The following XDH variants were observed in gnomAD, a reference collection of about 807,000 sequenced individuals.
XDH encodes the protein xanthine dehydrogenase, also known as xanthine dehydrogenase/oxidase.
Under a neutral mutation model 156.1 loss-of-function variants are expected in XDH, and 138 were observed. The observed-to-expected ratio is 0.88, with a 90% CI of 0.77 to 1.02. The LOEUF (loss-of-function observed/expected upper bound fraction) is 1.02, where lower values mean the gene tolerates loss of function less well. XDH is among the 50% of genes least tolerant of loss of function. The pLI, the probability that XDH is intolerant of heterozygous loss-of-function variation, is 0.00. For synonymous variants in XDH, 669 were observed against 625.7 expected, an observed-to-expected ratio of 1.07 and a Z score of -1.03; for missense variants, 1,849 against 1,684.9, an observed-to-expected ratio of 1.10 and a Z score of -1.71.
In XDH at chr2:31,384,040, T is replaced by C. The variant is rs45470100; in HGVS notation, c.794-193A>G. 5.0e-3 allele frequency: 3,062 copies of C among 614,496 alleles called. 73 individuals carry two copies. Among genetic ancestry groups the C allele is most frequent in the African/African-American group, 0.049 (2,680 of 54,392 alleles). 38.1% of individuals were successfully genotyped at this position (614,496 alleles called of 1,614,324 possible). On this transcript the variant is annotated intron_variant, in intron 9 of 35. Coordinates refer to ENST00000379416, the MANE Select transcript of XDH (RefSeq NM_000379.4). ...GTGGGATTAGATGCAGTCTTTGGAC[T>C]GTCAGCCCAAAACTAGGTCTTTCTT...
chr2:31,368,660 C>T lies in XDH; in HGVS notation c.1981G>A (p.Val661Ile), dbSNP rs763061923. The T allele has an allele frequency of 6.2e-7, 1 of 1,614,160 alleles. No homozygotes were observed. The highest frequency in any genetic ancestry group is 8.5e-7 in the Non-Finnish European group (1 of 1,180,026). The change falls in exon 19 of 36, where the codon GTT becomes ATT. Residue 661 changes from valine to isoleucine, a missense_variant and splice_region_variant. Transcript: ENST00000379416. ...NDETVFAKDKVTCVGHIIGAV... is the reference protein window; with the variant it reads ...NDETVFAKDKITCVGHIIGAV... ...CCAATGATATGCCCAACACAAGTAA[C>T]CTAGTAGCAGAGACAGACTGTTAAA...
At position 31,364,213 on chromosome 2, in the gene XDH, G is replaced by A; in HGVS notation, c.2576C>T (p.Ala859Val). ...VGFMKTGTVV[A>V]LEVDHFSNVG... ...ATTGCTGAAGTGGTCCACCTCAAGA[G>A]CCACAACTGTCCCAGTCTTCATGAA... Residue 859 changes from alanine to valine, a missense_variant, in exon 24 of 36, where the codon GCT becomes GTT. By Grantham distance (64) the Ala-to-Val change is moderately conservative (BLOSUM62 0). Coordinates refer to ENST00000379416, the MANE Select transcript of XDH (RefSeq NM_000379.4). 6.2e-7 allele frequency: 1 copy of A among 1,614,154 alleles called. No individual in the cohort carries two copies. Among genetic ancestry groups the A allele is most frequent in the South Asian group, 1.1e-5 (1 of 91,080 alleles).
At chr2:31,348,189 T>C (rs1685353459) in intron 28 of XDH, 79 bp downstream of exon 28, 1 of 1,453,146 alleles carries the variant, frequency 6.9e-7, no homozygotes, top group African/African-American at 1.4e-5. Flanking sequence ...CTGCTTCTGC[T>C]CTGATAGGTC....
At chr2:31,347,119 G>A (rs1685319255) in intron 29 of XDH, among the ~76,000 whole-genome samples, 1 of 152,180 alleles carries the variant, frequency 6.6e-6, no homozygotes, top group South Asian at 2.1e-4. Context: ...CCCCAGAGAG[G>A]TGTCTTCTTC....
rs1684954889 is a variant in XDH, at chr2:31,335,722, C to T, written c.*236G>A. Reference sequence around the variant, plus strand: ...TGATTAAAACAGACAGAAAATGATCCTAATTGCATATTCACCATTTAGGCA... The same window carrying T: ...TGATTAAAACAGACAGAAAATGATCTTAATTGCATATTCACCATTTAGGCA... On this transcript the variant is annotated 3_prime_UTR_variant, in exon 36 of 36. Coordinates refer to ENST00000379416, the MANE Select transcript of XDH (RefSeq NM_000379.4). The T allele has an allele frequency of 3.3e-6, 2 of 609,860 alleles. No individual in the cohort carries two copies. Among genetic ancestry groups the T allele is most frequent in the Non-Finnish European group, 5.9e-6 (2 of 341,736 alleles). The allele number at this position is 609,860 out of a possible 1,614,324, so 37.8% of individuals were successfully genotyped here.
intron 7 of XDH, 69 bp from the exon 8 acceptor site, chr2:31,387,966 A>G (rs1686657129): frequency 6.7e-7 from 1 of 1,499,676 alleles, no homozygotes; most frequent in Non-Finnish European, 9.0e-7. Flanking sequence ...GGACCAATTC[A>G]GCCTTTCCTT....
intron 32 of XDH, 114 bp downstream of exon 32, chr2:31,342,069 T>C (rs1685137724): frequency 8.4e-6 from 8 of 954,176 alleles, no homozygotes; most frequent in Admixed American, 1.9e-5. Flanking sequence ...CTATCCTTAA[T>C]GGAAGGCATT....
intron 13 of XDH, among the ~76,000 whole-genome samples, chr2:31,378,113 AGGAAGGAAGGAAGG>A (rs1329672716): frequency 3.2e-5 from 1 of 31,094 alleles, no homozygotes; most frequent in African/African-American, 1.3e-4. Flanking sequence ...AAAGAAAGGA[AGGAAGGAAGGAAGG>A]AAGGAAGGAA....
chr2:31,375,648 A>G, intron 14 of XDH, 94 bp from the exon 15 acceptor site: 3 of 1,460,986 alleles, frequency 2.1e-6, no homozygotes. Context: ...AGCTGTACAA[A>G]GCTTGGTTCA....
Position 31,338,852 on chromosome 2 carries a change from T to C in XDH, c.3774+637A>G, listed in dbSNP as rs536364776. Among the ~76,000 whole-genome samples, 7 of 150,312 alleles carry C rather than the reference T, an allele frequency of 4.7e-5. No individual in the cohort carries two copies. In the Admixed American group the frequency reaches 4.7e-4, roughly 10 times the overall value. On this transcript the variant is annotated intron_variant, in intron 34 of 35. Transcript: ENST00000379416. ...GATTCTCGTGCCTAAGCCTCCTGAG[T>C]AGCTGGGATTACAGGCATGTCCCAC... is the stretch of plus-strand genomic sequence containing the variant.
At chr2:31,395,001 G>A (rs1686865018) in intron 6 of XDH, among the ~76,000 whole-genome samples, 2 of 151,638 alleles carry the variant, frequency 1.3e-5, no homozygotes, top group Non-Finnish European at 2.9e-5. Flanking sequence ...TTCCTCATTT[G>A]TTAATTCCAA....
At chr2:31,379,800 C>A in intron 13 of XDH, 67 bp downstream of exon 13, 1 of 1,493,630 alleles carries the variant, frequency 6.7e-7, no homozygotes, top group Admixed American at 1.7e-5. Flanking sequence ...AGATTCTGAT[C>A]TCTTTGTCTA....
chr2:31,376,433 ATAG>A (rs1386548873), intron 14 of XDH, among the ~76,000 whole-genome samples: 9 of 149,100 alleles, frequency 6.0e-5, no homozygotes, highest in African/African-American at 9.8e-5. Flanking sequence ...AGCAATAGTA[ATAG>A]TAGTAGTAGT....
At chr2:31,370,565 G>C in intron 17 of XDH, 87 bp from the exon 18 acceptor site, 1 of 1,557,762 alleles carries the variant, frequency 6.4e-7, no homozygotes, top group South Asian at 1.1e-5. Flanking sequence ...TTCTTATTTT[G>C]ATTGGCTTGG....
intron 9 of XDH, 118 bp downstream of exon 9, chr2:31,386,296 G>T: frequency 7.2e-7 from 1 of 1,383,770 alleles, no homozygotes; most frequent in Non-Finnish European, 1.0e-6. Flanking sequence ...GTAGTCAGTG[G>T]GGCAGAGGGA....
intron 34 of XDH, among the ~76,000 whole-genome samples, chr2:31,338,223 A>G (rs1449564471): frequency 6.6e-6 from 1 of 152,240 alleles, no homozygotes; most frequent in East Asian, 1.9e-4. Context: ...ATTTACAGGC[A>G]CCATAGTCAT....
intron 6 of XDH, 21 bp downstream of exon 6, chr2:31,397,647 T>C (rs1274470247): frequency 6.2e-7 from 1 of 1,614,072 alleles, no homozygotes; most frequent in Non-Finnish European, 8.5e-7. Context: ...GAGACACTGA[T>C]GTTCTGGGGT....
At chr2:31,371,601 T>C (rs1393830233) in intron 17 of XDH, among the ~76,000 whole-genome samples, 3 of 152,294 alleles carry the variant, frequency 2.0e-5, no homozygotes, top group South Asian at 2.1e-4. Context: ...GTATTGTCAA[T>C]ATGGGCTCAA....
At chr2:31,341,168 T>A (rs546190375) in intron 33 of XDH, among the ~76,000 whole-genome samples, 161 bp downstream of exon 33, 1 of 152,306 alleles carries the variant, frequency 6.6e-6, no homozygotes, top group South Asian at 2.1e-4. Flanking sequence ...GGTTGGACTA[T>A]CACCAATCTA....
Sources: allele counts gnomAD v4.1 joint callset (sites outside exome capture counted in the v4.1 genomes callset), GRCh38; gene constraint gnomAD v4.1.1; transcripts MANE v1.5; gene names NCBI Gene and HGNC (gene_info 2026-07-23, HGNC 2026-07-21).